Variants in SECISBP2 observed in about 807,000 individuals in gnomAD.
The protein encoded by SECISBP2 is selenocysteine insertion sequence-binding protein 2.
SECISBP2 carries 96 observed loss-of-function variants against 98.2 expected under a neutral mutation model. The ratio of observed to expected loss-of-function variants is 0.98; its 90% CI spans 0.83 to 1.16. The LOEUF is 1.16. SECISBP2 is among the 50% of genes most tolerant of loss of function. The pLI is 0.00. For synonymous variants in SECISBP2, 407 were observed against 370.2 expected, an observed-to-expected ratio of 1.10 and a Z score of -1.14; for missense variants, 1,046 against 1,022.9, an observed-to-expected ratio of 1.02 and a Z score of -0.31.
chr9:89,334,484 G>A, intron 6 of SECISBP2, 38 bp from the exon 7 acceptor site: 1 of 1,545,586 alleles, frequency 6.5e-7, no homozygotes, highest in Non-Finnish European at 8.9e-7. Context: ...CTATTTTACT[G>A]TTGAGATTGT....
At chr9:89,351,123 C>G (rs566963787) in intron 14 of SECISBP2, among the ~76,000 whole-genome samples, 1 of 152,324 alleles carries the variant, frequency 6.6e-6, no homozygotes, top group African/African-American at 2.4e-5. Context: ...AGACCTGCCT[C>G]TGTTGTGCAG....
chr9:89,326,668 A>G (rs771257266), intron 4 of SECISBP2, among the ~76,000 whole-genome samples: 2 of 152,234 alleles, frequency 1.3e-5, no homozygotes, highest in Non-Finnish European at 2.9e-5. Flanking sequence ...TGATGGGGAC[A>G]CATTCTGAGA....
chr9:89,341,024 G>C (rs1038703555), intron 9 of SECISBP2, among the ~76,000 whole-genome samples: 5 of 152,206 alleles, frequency 3.3e-5, no homozygotes, highest in Non-Finnish European at 7.3e-5. Context: ...CTCACACACA[G>C]ACTTTGTAGC....
chr9:89,363,429 C>G, downstream of SECISBP2: 1 of 1,612,608 alleles, frequency 6.2e-7, no homozygotes. Context: ...CGGCCACTTA[C>G]CCACGCCTTC....
In SECISBP2 at chr9:89,358,101, C is replaced by G. The variant is rs758266522; in HGVS notation, c.2371C>G (p.Gln791Glu). Residue 791 changes from glutamine to glutamate, a missense_variant, in exon 16 of 17, where the codon CAG (glutamine) becomes GAG (glutamate). Transcript: ENST00000375807. ...GGAGCTGGTGGGAGAGCCCAGGCCT[C>G]AGGCACCTCCCAGCCTACCCACACA... is the stretch of plus-strand genomic sequence containing the variant. ...QQELVGEPRP[Q>E]APPSLPTQGP... 1.2e-6 allele frequency: 2 copies of G among 1,613,858 alleles called. No homozygotes were observed. The highest frequency in any genetic ancestry group is 8.5e-7 in the Non-Finnish European group (1 of 1,179,984).
intron 7 of SECISBP2, among the ~76,000 whole-genome samples, chr9:89,338,177 C>T (rs193273915): frequency 6.6e-5 from 10 of 152,298 alleles, no homozygotes; most frequent in East Asian, 5.8e-4. Context: ...AGGAAGGTCA[C>T]GAACACCATG....
intron 10 of SECISBP2, among the ~76,000 whole-genome samples, chr9:89,345,070 G>T (rs1830230192): frequency 6.6e-6 from 1 of 152,170 alleles, no homozygotes; most frequent in Non-Finnish European, 1.5e-5. Flanking sequence ...CATGGTCTTT[G>T]TCTGGAATGT....
rs1830995917 is a variant in SECISBP2 at position 89,349,839 on chromosome 9, C to T, written c.1802C>T (p.Pro601Leu). ...GTTGAGGACAAGTCTGAAGAGCCAC[C>T]AGGCACAGAGCTCCAGAGGGACACA... ...PSVEDKSEEP[P>L]GTELQRDTEA... The change falls in exon 13 of 17, where the codon CCA becomes CTA. Residue 601 changes from proline to leucine, a missense_variant. Pro to Leu is a moderately conservative substitution (Grantham distance 98). Coordinates refer to ENST00000375807, the MANE Select transcript of SECISBP2 (RefSeq NM_024077.5). The T allele has an allele frequency of 6.2e-7, 1 of 1,614,080 alleles. No homozygotes were observed. The highest frequency in any genetic ancestry group is 8.5e-7 in the Non-Finnish European group (1 of 1,180,032).
intron 2 of SECISBP2, among the ~76,000 whole-genome samples, chr9:89,320,068 A>G (rs1825457281): frequency 6.6e-6 from 1 of 152,176 alleles, no homozygotes; most frequent in African/African-American, 2.4e-5. Flanking sequence ...TAAGAAATGC[A>G]GTTTCAGGCC....
At chr9:89,318,655 G>A in intron 1 of SECISBP2, 43 bp downstream of exon 1, 1 of 1,383,260 alleles carries the variant, frequency 7.2e-7, no homozygotes, top group South Asian at 1.6e-5. Flanking sequence ...CAGTCCGTCC[G>A]CCTGCCTCGC....
intron 4 of SECISBP2, among the ~76,000 whole-genome samples, chr9:89,328,410 A>G (rs866537609): frequency 2.0e-5 from 3 of 152,346 alleles, no homozygotes; most frequent in African/African-American, 7.2e-5. Flanking sequence ...GTGACTATAC[A>G]TACTCCTAAA....
downstream of SECISBP2, chr9:89,362,229 C>T (rs909006236): frequency 9.0e-7 from 1 of 1,116,660 alleles, no homozygotes; most frequent in Non-Finnish European, 1.3e-6. Context: ...CCAGGCTTCT[C>T]CACTGTCCCG....
At chr9:89,338,617 A>G in intron 8 of SECISBP2, 37 bp downstream of exon 8, 1 of 1,598,158 alleles carries the variant, frequency 6.3e-7, no homozygotes, top group Non-Finnish European at 8.5e-7. Context: ...GTGTGATATA[A>G]TAAGTGGGTC....
At chr9:89,328,514 G>A in intron 4 of SECISBP2, 146 bp from the exon 5 acceptor site, 2 of 689,396 alleles carry the variant, frequency 2.9e-6, no homozygotes, top group South Asian at 1.7e-5. Flanking sequence ...AAAGGAAGGT[G>A]AACAACACCG....
At chr9:89,363,656 C>A, downstream of SECISBP2, 1 of 1,592,118 alleles carries the variant, frequency 6.3e-7, no homozygotes, top group South Asian at 1.1e-5. Flanking sequence ...TGCAAGCATG[C>A]TTTCCAGCTG....
chr9:89,325,161 G>A (rs1587855487), intron 2 of SECISBP2: 1 of 461,708 alleles, frequency 2.2e-6, no homozygotes, highest in East Asian at 4.6e-5. Flanking sequence ...GCAATTGGGT[G>A]AAAAGCTGCT....
rs1826619910 is a variant in SECISBP2, at chr9:89,325,937, A to C, written c.473A>C (p.Lys158Thr). The C allele has an allele frequency of 1.9e-6, 3 of 1,614,086 alleles. No homozygotes were observed. The East Asian group carries it at 6.7e-5, about 36-fold the overall frequency. Reference protein sequence around the residue: ...YDEKKTYDQQKFDSERADGTI... With the variant: ...YDEKKTYDQQTFDSERADGTI... ...GAGAAAAAAACGTATGATCAGCAAAAGTTTGACAGTGAAAGGGCTGATGGA... is the reference window on the plus strand; with the variant it reads ...GAGAAAAAAACGTATGATCAGCAAACGTTTGACAGTGAAAGGGCTGATGGA... Residue 158 changes from lysine to threonine, a missense_variant, in exon 4 of 17, where the codon AAG (lysine) becomes ACG (threonine). Transcript: ENST00000375807.
chr9:89,345,609 T>C (rs1830308819), intron 10 of SECISBP2, among the ~76,000 whole-genome samples: 2 of 152,210 alleles, frequency 1.3e-5, no homozygotes, highest in African/African-American at 4.8e-5. Context: ...GATCTTCCTC[T>C]GTTGTAGGAA....
intron 5 of SECISBP2, chr9:89,332,635 C>G: frequency 2.1e-6 from 1 of 476,732 alleles, no homozygotes; most frequent in Non-Finnish European, 3.8e-6. Flanking sequence ...TATAAACATC[C>G]ATGTGCAGGT....
Sources: allele counts gnomAD v4.1 joint callset (sites outside exome capture counted in the v4.1 genomes callset), GRCh38; gene constraint gnomAD v4.1.1; transcripts MANE v1.5; gene names NCBI Gene and HGNC (gene_info 2026-07-23, HGNC 2026-07-21).